Variants in ADCY8 observed in about 807,000 individuals in gnomAD.
ADCY8 encodes adenylate cyclase type 8.
A neutral mutation model predicts 119.7 loss-of-function variants in ADCY8; 51 were observed. The ratio of observed to expected loss-of-function variants is 0.43; its 90% CI spans 0.34 to 0.54. The LOEUF is 0.54. ADCY8 is among the 20% of genes least tolerant of loss of function. The pLI, the probability that ADCY8 is intolerant of heterozygous loss-of-function variation, is 0.03. For synonymous variants in ADCY8, 665 were observed against 651.0 expected (o/e 1.02, Z -0.33); for missense variants, 1,383 against 1,598.8 (o/e 0.87, Z 2.30).
At chr8:131,029,089 T>C (rs576663232) in intron 1 of ADCY8, among the ~76,000 whole-genome samples, 20 of 152,352 alleles carry the variant, frequency 1.3e-4, no homozygotes, top group African/African-American at 4.8e-4. Context: ...CTCTGCCTCC[T>C]GTCAGATCAG....
chr8:130,827,989 C>T lies in ADCY8; in HGVS notation c.2676-6569G>A, dbSNP rs531143163. On this transcript the variant is annotated intron_variant, in intron 12 of 17. Coordinates refer to ENST00000286355, the MANE Select transcript of ADCY8 (RefSeq NM_001115.3). ...CTGGGCATGTTGGCTGTGTTTGAAC[C>T]GGCTTCCTTTCAAGGAGGACTTAGC... 8.5e-5 allele frequency among the ~76,000 whole-genome samples: 13 copies of T among 152,186 alleles called. No individual in the cohort carries two copies. The South Asian group carries it at 1.2e-3, about 15-fold the overall frequency.
intron 4 of ADCY8, 116 bp from the exon 5 acceptor site, chr8:130,937,316 A>G: frequency 1.9e-6 from 2 of 1,075,732 alleles, no homozygotes; most frequent in Non-Finnish European, 2.5e-6. Context: ...GGTAAGGAGA[A>G]CCTACCTTTG....
At chr8:131,019,052 G>C (rs1823568764) in intron 1 of ADCY8, among the ~76,000 whole-genome samples, 1 of 152,264 alleles carries the variant, frequency 6.6e-6, no homozygotes, top group Non-Finnish European at 1.5e-5. Flanking sequence ...AGAAATGCCA[G>C]GGACTCTTGT....
At chr8:130,800,104 T>C (rs1341315686) in intron 15 of ADCY8, among the ~76,000 whole-genome samples, 2 of 152,226 alleles carry the variant, frequency 1.3e-5, no homozygotes, top group African/African-American at 4.8e-5. Flanking sequence ...GCCTCTGTGG[T>C]GTCAGTGCTT....
chr8:130,918,790 G>A (rs542618443), intron 5 of ADCY8, among the ~76,000 whole-genome samples: 6 of 152,164 alleles, frequency 3.9e-5, no homozygotes, highest in Non-Finnish European at 7.3e-5. Flanking sequence ...GGCCGGGCAC[G>A]GTGGCTCATG....
intron 1 of ADCY8, among the ~76,000 whole-genome samples, chr8:131,019,098 A>AT (rs2130792057): frequency 6.6e-6 from 1 of 152,286 alleles, no homozygotes; most frequent in South Asian, 2.1e-4. Context: ...GAGGAATATG[A>AT]TGGTATGAAA....
chr8:131,030,575 G>A (rs557470349), intron 1 of ADCY8, among the ~76,000 whole-genome samples: 1 of 152,246 alleles, frequency 6.6e-6, no homozygotes, highest in East Asian at 1.9e-4. Context: ...TAAGAGTCAG[G>A]TGTGAACCTC....
chr8:130,946,147 G>C (rs1035784296), intron 3 of ADCY8, among the ~76,000 whole-genome samples: 4 of 152,136 alleles, frequency 2.6e-5, no homozygotes, highest in Non-Finnish European at 5.9e-5. Flanking sequence ...TGGCAAGAAT[G>C]GTTTACCAAT....
intron 15 of ADCY8, among the ~76,000 whole-genome samples, chr8:130,789,526 G>C (rs1340606297): frequency 6.7e-6 from 1 of 149,874 alleles, no homozygotes; most frequent in Non-Finnish European, 1.5e-5. Context: ...AATATTCCTT[G>C]GAAACACTAG....
Position 130,895,540 on chromosome 8 carries a change from C to T in ADCY8, c.1911+8232G>A, listed in dbSNP as rs377144332. ...AATGTTCTCTGGAAGCCTTCAAATC[C>T]ACTTGTCTTTTGAAACAGAGTGAAA... is the stretch of plus-strand genomic sequence containing the variant. On this transcript the variant is annotated intron_variant, in intron 7 of 17. Coordinates refer to ENST00000286355, the MANE Select transcript of ADCY8 (RefSeq NM_001115.3). Among the ~76,000 whole-genome samples the T allele has an allele frequency of 6.6e-5, 10 of 152,204 alleles. No individual in the cohort carries two copies. In the East Asian group the frequency reaches 1.4e-3, roughly 21 times the overall value.
chr8:130,893,296 G>T (rs958463624), intron 7 of ADCY8, among the ~76,000 whole-genome samples: 1 of 152,144 alleles, frequency 6.6e-6, no homozygotes, highest in African/African-American at 2.4e-5. Flanking sequence ...ATTAGGGATG[G>T]TGTAAGTGCT....
At chr8:130,872,100 C>T (rs72712502) in intron 8 of ADCY8, among the ~76,000 whole-genome samples, 11,912 of 152,124 alleles carry the variant, frequency 0.078, 516 homozygotes, top group Non-Finnish European at 0.1. Flanking sequence ...AATACTTCTT[C>T]GGAGATCTTA....
At chr8:130,952,345 A>G (rs1325113897) in intron 2 of ADCY8, among the ~76,000 whole-genome samples, 4 of 152,244 alleles carry the variant, frequency 2.6e-5, no homozygotes, top group Non-Finnish European at 5.9e-5. Context: ...AGAGAGTACA[A>G]TGGTTGATGA....
chr8:130,798,481 T>G (rs1033004856), intron 15 of ADCY8, among the ~76,000 whole-genome samples: 2 of 152,040 alleles, frequency 1.3e-5, no homozygotes. Flanking sequence ...TGTTGGCTTG[T>G]AAGTAGTTAG....
chr8:130,831,884 C>A (rs1411416172), intron 12 of ADCY8, among the ~76,000 whole-genome samples: 1 of 152,128 alleles, frequency 6.6e-6, no homozygotes, highest in Non-Finnish European at 1.5e-5. Flanking sequence ...TGTCTAATAA[C>A]AAACATTAGC....
chr8:131,002,704 G>A (rs1822989710), intron 1 of ADCY8, among the ~76,000 whole-genome samples: 1 of 151,482 alleles, frequency 6.6e-6, no homozygotes, highest in South Asian at 2.1e-4. Context: ...AGCTAAAAAA[G>A]TAAATAAAAG....
At chr8:130,958,712 A>G (rs1057163894) in intron 2 of ADCY8, among the ~76,000 whole-genome samples, 1 of 152,136 alleles carries the variant, frequency 6.6e-6, no homozygotes, top group Non-Finnish European at 1.5e-5. Flanking sequence ...TGATTTAGTT[A>G]TTTCCACCTG....
intron 1 of ADCY8, among the ~76,000 whole-genome samples, chr8:131,015,974 T>C (rs1321697052): frequency 6.6e-6 from 1 of 152,226 alleles, no homozygotes; most frequent in African/African-American, 2.4e-5. Flanking sequence ...AATCCATTTC[T>C]TCATTCATCA....
At chr8:131,019,535 C>T (rs996137926) in intron 1 of ADCY8, among the ~76,000 whole-genome samples, 2 of 152,180 alleles carry the variant, frequency 1.3e-5, no homozygotes, top group African/African-American at 4.8e-5. Flanking sequence ...TAGAAACAGG[C>T]CAGAAGTCTG....
Sources: gnomAD v4.1 joint callset for allele counts (sites outside exome capture counted in the v4.1 genomes callset) on GRCh38, gnomAD v4.1.1 for gene constraint, MANE v1.5 for transcripts, NCBI Gene and HGNC (gene_info 2026-07-23, HGNC 2026-07-21) for gene names.